Variants in CHAF1A observed in about 807,000 individuals in gnomAD.
CHAF1A encodes the protein chromatin assembly factor 1 subunit A, also known as CAF-1 subunit A.
CHAF1A carries 5 observed loss-of-function variants against 93.2 expected under a neutral mutation model. That is an observed-to-expected ratio of 0.05 (90% CI 0.03 to 0.11). CHAF1A has a LOEUF of 0.11. Among genes scored for constraint, CHAF1A ranks in the 10% least tolerant of loss-of-function variants. The probability of loss-of-function intolerance (pLI) is 1.00; values close to 1 mark genes in which losing one functional copy is unlikely to be tolerated. For synonymous variants in CHAF1A, 504 were observed against 510.3 expected, an observed-to-expected ratio of 0.99 and a Z score of 0.17; for missense variants, 1,102 against 1,259.9, an observed-to-expected ratio of 0.87 and a Z score of 1.90.
At chr19:4,413,614 G>A (rs1973847069) in intron 3 of CHAF1A, among the ~76,000 whole-genome samples, 1 of 152,176 alleles carries the variant, frequency 6.6e-6, no homozygotes, top group African/African-American at 2.4e-5. Flanking sequence ...TGCATTGAGA[G>A]TCCCAGGGCA....
At chr19:4,415,461 C>A (rs1445274316) in intron 3 of CHAF1A, among the ~76,000 whole-genome samples, 1 of 152,142 alleles carries the variant, frequency 6.6e-6, no homozygotes, top group Non-Finnish European at 1.5e-5. Context: ...TCCCCGCCAC[C>A]CCAAGACCAC....
At chr19:4,402,955 A>T (rs887876593) in intron 1 of CHAF1A, 141 bp downstream of exon 1, 4 of 392,582 alleles carry the variant, frequency 1.0e-5, no homozygotes, top group Admixed American at 4.9e-5. Context: ...GGGCCTTCTC[A>T]TCCCCAGCGA....
Position 4,409,099 on chromosome 19 carries a change from C to A in CHAF1A, c.300C>A (p.Asn100Lys). ...TCAACGGGAAGGGTCCCTTAGATAACTTTTTAAGAAATAGAATCGAAACCA... is the reference window on the plus strand; with the variant it reads ...TCAACGGGAAGGGTCCCTTAGATAAATTTTTAAGAAATAGAATCGAAACCA... ...KLVNGKGPLD[N>K]FLRNRIETSI... Residue 100 changes from asparagine (N) to lysine (K), a missense_variant, in exon 3 of 15, where the codon AAC becomes AAA. Physicochemically the swap from Asn to Lys is moderately conservative, Grantham distance 94 (BLOSUM62 0). This residue lies in a region of CHAF1A where 379 missense variants were observed against 365.7 expected (regional missense o/e 1.04). Coordinates refer to ENST00000301280, the MANE Select transcript of CHAF1A (RefSeq NM_005483.3). The A allele has an allele frequency of 2.5e-6, 4 of 1,614,182 alleles. No individual in the cohort carries two copies. The highest frequency in any genetic ancestry group is 3.4e-6 in the Non-Finnish European group (4 of 1,180,054).
At chr19:4,420,159 C>T (rs72988747) in intron 4 of CHAF1A, among the ~76,000 whole-genome samples, 9,550 of 152,220 alleles carry the variant, frequency 0.063, 369 homozygotes, top group Non-Finnish European at 0.094. Context: ...CTGTCAGGCT[C>T]CAGACGTGTG....
At chr19:4,426,506 C>T (rs765062225) in intron 7 of CHAF1A, among the ~76,000 whole-genome samples, 2 of 149,336 alleles carry the variant, frequency 1.3e-5, no homozygotes, top group Non-Finnish European at 3.0e-5. Flanking sequence ...GACAAAGTTT[C>T]GCTCATTGCC....
intron 3 of CHAF1A, among the ~76,000 whole-genome samples, chr19:4,417,324 T>C (rs1164707432): frequency 6.6e-6 from 1 of 152,126 alleles, no homozygotes; most frequent in Non-Finnish European, 1.5e-5. Flanking sequence ...AATATCAGCT[T>C]CTCTTGGAGA....
chr19:4,446,736 C>T (rs1599673818), downstream of CHAF1A: 3 of 1,609,000 alleles, frequency 1.9e-6, no homozygotes, highest in East Asian at 4.5e-5. Flanking sequence ...CGTGGCAGGA[C>T]ATGGGTGTCA....
At chr19:4,412,482 T>G (rs1306252736) in intron 3 of CHAF1A, among the ~76,000 whole-genome samples, 2 of 152,040 alleles carry the variant, frequency 1.3e-5, no homozygotes, top group African/African-American at 4.8e-5. Context: ...AGGCAGAGGT[T>G]GCGGTGGCCT....
In CHAF1A at chr19:4,408,461, C is replaced by CTTTTTTTTTTTTTTTTTTTTTTT. The variant is rs778100682; in HGVS notation, c.104-434_104-412dup. On this transcript the variant is annotated intron_variant, in intron 2 of 14. Coordinates refer to ENST00000301280, the MANE Select transcript of CHAF1A (RefSeq NM_005483.3). ...CCTGCCTTGGCCTCCCGCACCCGGC[C>CTTTTTTTTTTTTTTTTTTTTTTT]TTTTTTTTTTTTTTTTTTTTTTTTT... Among the ~76,000 whole-genome samples, 4 of 36,020 alleles carry CTTTTTTTTTTTTTTTTTTTTTTT rather than the reference C, an allele frequency of 1.1e-4. 2 individuals are homozygous for CTTTTTTTTTTTTTTTTTTTTTTT. The highest frequency in any genetic ancestry group is 3.4e-4 in the African/African-American group (2 of 5,962). 23.6% of individuals were successfully genotyped at this position (36,020 alleles called of 152,430 possible). A position where few individuals can be genotyped will look rare whatever the true frequency, so the allele number is the denominator to read the frequency against.
intron 12 of CHAF1A, 23 bp downstream of exon 12, chr19:4,432,230 C>A: frequency 6.3e-7 from 1 of 1,577,186 alleles, no homozygotes; most frequent in Admixed American, 1.7e-5. Flanking sequence ...GGGGCCAGGC[C>A]ACCCACCTGT....
intron 7 of CHAF1A, 90 bp from the exon 8 acceptor site, chr19:4,428,574 T>G: frequency 8.6e-7 from 1 of 1,162,634 alleles, no homozygotes. Flanking sequence ...TTAGCCTGGA[T>G]GAATCCCACC....
intron 3 of CHAF1A, among the ~76,000 whole-genome samples, chr19:4,413,252 A>G (rs571349080): frequency 2.6e-5 from 4 of 152,018 alleles, no homozygotes; most frequent in Admixed American, 6.5e-5. Context: ...TTGTATTTTT[A>G]GTGGAGATGG....
At chr19:4,446,406 C>T (rs1974522191), downstream of CHAF1A, 1 of 1,578,946 alleles carries the variant, frequency 6.3e-7, no homozygotes, top group Non-Finnish European at 8.6e-7. Context: ...CGCTCCACCG[C>T]CTCGGACCTG....
At chr19:4,411,707 G>A (rs1337660476) in intron 3 of CHAF1A, among the ~76,000 whole-genome samples, 2 of 130,728 alleles carry the variant, frequency 1.5e-5, no homozygotes, top group African/African-American at 5.8e-5. Context: ...GAGGGCAATG[G>A]CATGGTCTCA....
At position 4,430,578 on chromosome 19, in the gene CHAF1A, A is replaced by G. The variant is rs1483845280; in HGVS notation, c.1884A>G (p.Glu628=). The G allele has an allele frequency of 6.2e-7, 1 of 1,612,042 alleles. No homozygotes were observed. The highest frequency in any genetic ancestry group is 8.5e-7 in the Non-Finnish European group (1 of 1,178,336). ...ATGATGACGACATGGGAGAGGATGA[A>G]GATGAGGACGATGGTTTCTTTGTGC... ...GDDDDDMGED[E]DEDDGFFVPH... is the part of the protein sequence containing the mutation. The change falls in exon 11 of 15, where the codon GAA becomes GAG. Residue 628 remains glutamate (E), a synonymous_variant. Transcript: ENST00000301280.
chr19:4,443,734 A>T (rs1432371946), downstream of CHAF1A, among the ~76,000 whole-genome samples: 1 of 152,126 alleles, frequency 6.6e-6, no homozygotes, highest in East Asian at 1.9e-4. Context: ...AGCCCACCCC[A>T]GGTCAGGTGC....
intron 2 of CHAF1A, among the ~76,000 whole-genome samples, chr19:4,407,669 G>A (rs1316204872): frequency 2.0e-5 from 3 of 152,196 alleles, no homozygotes; most frequent in African/African-American, 4.8e-5. Context: ...ATGTTGAAGC[G>A]GGGCATGGTG....
rs984127795 is a variant in CHAF1A at position 4,417,750 on chromosome 19, C to T, written c.961-270C>T. 5.3e-5 allele frequency among the ~76,000 whole-genome samples: 8 copies of T among 152,268 alleles called. No homozygotes were observed. The South Asian group carries it at 6.2e-4, about 12-fold the overall frequency. ...TGCTGGAATTACAGGCGTTAGCCAC[C>T]GCGCCCAGCCTTGTCTGTTGCCTTT... On this transcript the variant is annotated intron_variant, in intron 3 of 14. Coordinates refer to ENST00000301280, the MANE Select transcript of CHAF1A (RefSeq NM_005483.3).
In CHAF1A at chr19:4,432,149, G is replaced by T; in HGVS notation, c.2145G>T (p.Leu715=). The change falls in exon 12 of 15, where the codon CTG becomes CTT. Residue 715 remains leucine (L), a synonymous_variant. Coordinates refer to ENST00000301280, the MANE Select transcript of CHAF1A (RefSeq NM_005483.3). ...QQFAACFLET[L]PAQEEQTPKA... Reference sequence around the variant, plus strand: ...TCGCAGCCTGCTTCCTGGAGACCCTGCCGGCCCAGGAGGAGCAGACGCCCA... The same window carrying T: ...TCGCAGCCTGCTTCCTGGAGACCCTTCCGGCCCAGGAGGAGCAGACGCCCA... The T allele has an allele frequency of 6.2e-7, 1 of 1,612,914 alleles. No individual in the cohort carries two copies.
Sources: gnomAD v4.1 joint callset for allele counts (sites outside exome capture counted in the v4.1 genomes callset) on GRCh38, gnomAD v4.1.1 for gene constraint, gnomAD v4.1.1 regional missense constraint, MANE v1.5 for transcripts, NCBI Gene and HGNC (gene_info 2026-07-23, HGNC 2026-07-21) for gene names.